Variants in RAPH1 observed in about 807,000 individuals in gnomAD.
RAPH1 encodes Ras association (RalGDS/AF-6) and pleckstrin homology domains 1.
A neutral mutation model predicts 88.1 loss-of-function variants in RAPH1; 18 were observed. The ratio of observed to expected loss-of-function variants is 0.20; its 90% CI spans 0.14 to 0.30. The LOEUF (loss-of-function observed/expected upper bound fraction) is 0.30. Among genes scored for constraint, RAPH1 ranks in the 10% least tolerant of loss-of-function variants. RAPH1 has a pLI of 1.00. For missense variants in RAPH1, 1,448 were observed against 1,543.2 expected (o/e 0.94, Z 1.03); for synonymous variants, 587 against 559.0 (o/e 1.05, Z -0.71).
intron 1 of RAPH1, among the ~76,000 whole-genome samples, chr2:203,508,164 G>C (rs1041293998): frequency 1.4e-5 from 2 of 147,272 alleles, no homozygotes; most frequent in African/African-American, 5.0e-5. Flanking sequence ...AGCTTGTATA[G>C]TGAGCTGAGA....
intron 4 of RAPH1, chr2:203,470,174 A>G (rs1581303202): frequency 9.2e-7 from 1 of 1,084,346 alleles, no homozygotes; most frequent in South Asian, 1.4e-5. Flanking sequence ...AGCATGATCA[A>G]AAACAGAAAT....
Position 203,471,678 on chromosome 2 carries a change from A to G in RAPH1, c.733-9753T>C, listed in dbSNP as rs569968476. Among the ~76,000 whole-genome samples, 5 of 152,314 alleles carry G rather than the reference A, an allele frequency of 3.3e-5. No homozygotes were observed. In the South Asian group the frequency reaches 6.2e-4, roughly 19 times the overall value. On this transcript the variant is annotated intron_variant, in intron 4 of 13. Coordinates refer to ENST00000319170, the MANE Select transcript of RAPH1 (RefSeq NM_213589.3). ...ACTACTTCAAGATTAAAAACATGTT[A>G]CAGAAGACAATATAATCTTTGCTCA...
Position 203,441,177 on chromosome 2 carries a change from T to C in RAPH1, c.2013A>G (p.Thr671=). 6.2e-7 allele frequency: 1 copy of C among 1,610,024 alleles called. No individual in the cohort carries two copies. The highest frequency in any genetic ancestry group is 8.5e-7 in the Non-Finnish European group (1 of 1,178,938). ...AATGCTGAGACGCATTCTGTAGCCG[T>C]GTTATTGTGCTGTACTTGACGAACA... ...APMFVKYSTI[T]RLQNASQHSG... Residue 671 remains threonine (T), a synonymous_variant, in exon 14 of 14, where the codon ACA becomes ACG. Coordinates refer to ENST00000319170, the MANE Select transcript of RAPH1 (RefSeq NM_213589.3).
In RAPH1 at chr2:203,433,803, A is replaced by AGT. The variant is rs2098495115; in HGVS notation, c.*5633_*5634insAC. ...TAATGGTGCCGATCCACAAACACTC[A>AGT]AAGTCCCCATGTTTAAATGAAATCT... is the stretch of plus-strand genomic sequence containing the variant. On this transcript the variant is annotated 3_prime_UTR_variant, in exon 14 of 14. Coordinates refer to ENST00000319170, the MANE Select transcript of RAPH1 (RefSeq NM_213589.3). 6.6e-6 allele frequency: 1 copy of AGT among 152,466 alleles called. No homozygotes were observed. Among genetic ancestry groups the AGT allele is most frequent in the African/African-American group, 2.4e-5 (1 of 41,420 alleles). The allele number at this position is 152,466 out of a possible 1,614,324, so 9.4% of individuals were successfully genotyped here.
At chr2:203,445,251 AT>A (rs1428214861) in intron 12 of RAPH1, 3 of 404,694 alleles carry the variant, frequency 7.4e-6, no homozygotes, top group African/African-American at 6.1e-5. Context: ...GATAATTATA[AT>A]AAATGATTCA....
intron 1 of RAPH1, among the ~76,000 whole-genome samples, chr2:203,499,394 T>G (rs942449565): frequency 2.0e-5 from 3 of 152,126 alleles, no homozygotes. Context: ...TATTTTCAAT[T>G]TGTCCCTATG....
rs531692694 is a variant in RAPH1 at position 203,472,127 on chromosome 2, C to CTT, written c.733-10204_733-10203dup. ...TAGCCATTCTTTGGTTTCTTTAGTT[C>CTT]TTTTTTTTTTTTTTTATTTTTTTGA... On this transcript the variant is annotated intron_variant, in intron 4 of 13. Coordinates refer to ENST00000319170, the MANE Select transcript of RAPH1 (RefSeq NM_213589.3). Among the ~76,000 whole-genome samples the CTT allele has an allele frequency of 5.7e-4, 80 of 140,686 alleles. 1 individual carries two copies. The highest frequency in any genetic ancestry group is 3.9e-3 in the Middle Eastern group (1 of 258). The allele number at this position is 140,686 out of a possible 152,430, so 92.3% of individuals were successfully genotyped here. A position where few individuals can be genotyped will look rare whatever the true frequency, so the allele number is the denominator to read the frequency against.
At chr2:203,513,190 T>G (rs1253948792) in intron 1 of RAPH1, among the ~76,000 whole-genome samples, 1 of 149,048 alleles carries the variant, frequency 6.7e-6, no homozygotes, top group Non-Finnish European at 1.5e-5. Context: ...AGCCCTCACT[T>G]TCTTAATCTG....
rs1444398087 is a variant in RAPH1 at position 203,444,832 on chromosome 2, C to A, written c.1776+36G>T. ...ACAATTTAAACCCAAAAGAATACCA[C>A]AGAATTTTCAATGTAAATTAAAACG... On this transcript the variant is annotated intron_variant, in intron 13 of 13. Transcript: ENST00000319170. 6 of 1,601,800 alleles carry A rather than the reference C, an allele frequency of 3.7e-6. No individual in the cohort carries two copies. The South Asian group carries it at 6.7e-5, about 18-fold the overall frequency.
At position 203,533,591 on chromosome 2, in the gene RAPH1, AG is replaced by A. The variant is rs139395033; in HGVS notation, c.-1+1519del. Among the ~76,000 whole-genome samples the A allele has an allele frequency of 2.0e-4, 31 of 152,030 alleles. No homozygotes were observed. In the East Asian group the frequency reaches 5.8e-3, roughly 28 times the overall value. ...CTGCTGAAATCCTACTCATCCTTAA[AG>A]GTTTCACTTAAATGCCGAGGCTTCC... On this transcript the variant is annotated intron_variant, in intron 1 of 13. Coordinates refer to ENST00000319170, the MANE Select transcript of RAPH1 (RefSeq NM_213589.3).
chr2:203,454,446 T>C lies in RAPH1; in HGVS notation c.1397A>G (p.Tyr466Cys), dbSNP rs370106079. Residue 466 changes from tyrosine to cysteine, a missense_variant, in exon 10 of 14, where the codon TAT becomes TGT. By Grantham distance (194) the Tyr-to-Cys change is radical. This residue lies in a region of RAPH1 where 513 missense variants were observed against 653.1 expected (regional missense o/e 0.79). Coordinates refer to ENST00000319170, the MANE Select transcript of RAPH1 (RefSeq NM_213589.3). ...TGTGTTTACCTTCAGCACCAGACAA[T>C]AGTCTGTAGGTGCTTTGTATTTGTT... ...YRNKYKAPTD[Y>C]CLVLKHPQIQ... The C allele has an allele frequency of 5.0e-6, 8 of 1,610,404 alleles. No homozygotes were observed. The highest frequency in any genetic ancestry group is 2.2e-5 in the East Asian group (1 of 44,838).
At chr2:203,501,242 G>C (rs1393369063) in intron 1 of RAPH1, among the ~76,000 whole-genome samples, 2 of 152,142 alleles carry the variant, frequency 1.3e-5, no homozygotes, top group Admixed American at 6.5e-5. Context: ...AGAAGGGAAA[G>C]GAAAGGAAAG....
intron 4 of RAPH1, 80 bp downstream of exon 4, chr2:203,489,504 A>G: frequency 9.6e-7 from 1 of 1,040,400 alleles, no homozygotes. Context: ...AGAATTTAAG[A>G]AGTTAATTAA....
rs948971991 is a variant in RAPH1, at chr2:203,445,265, TAAC to T, written c.1634-258_1634-256del. The T allele has an allele frequency of 8.0e-5, 30 of 373,812 alleles. No individual in the cohort carries two copies. In the Middle Eastern group the frequency reaches 3.6e-3, roughly 45 times the overall value. 23.2% of individuals were successfully genotyped at this position (373,812 alleles called of 1,614,324 possible). The stretch of plus-strand genomic sequence containing the variant: ...TGATAATTATAATAAATGATTCACA[TAAC>T]ATTATTGGTATCCTGACACCCAGTC... On this transcript the variant is annotated intron_variant, in intron 12 of 13. Transcript: ENST00000319170.
At chr2:203,503,180 A>G (rs568645313) in intron 1 of RAPH1, among the ~76,000 whole-genome samples, 41 of 152,282 alleles carry the variant, frequency 2.7e-4, no homozygotes, top group African/African-American at 6.5e-4. Flanking sequence ...AAATGAAAAT[A>G]TGAACCAATT....
At position 203,439,218 on chromosome 2, in the gene RAPH1, T is replaced by C; in HGVS notation, c.*219A>G. ...GAATAAATAGAATAACTCTCAGCTCTCTCTCTATATACACATACACATACA... is the reference window on the plus strand; with the variant it reads ...GAATAAATAGAATAACTCTCAGCTCCCTCTCTATATACACATACACATACA... On this transcript the variant is annotated 3_prime_UTR_variant, in exon 14 of 14. Transcript: ENST00000319170. The C allele has an allele frequency of 8.5e-6, 4 of 470,408 alleles. No individual in the cohort carries two copies. Among genetic ancestry groups the C allele is most frequent in the Non-Finnish European group, 1.5e-5 (4 of 264,506 alleles). The allele number at this position is 470,408 out of a possible 1,614,324, so 29.1% of individuals were successfully genotyped here. A position where few individuals can be genotyped will look rare whatever the true frequency, so the allele number is the denominator to read the frequency against.
chr2:203,532,278 T>C (rs1349961576), intron 1 of RAPH1, among the ~76,000 whole-genome samples: 1 of 152,174 alleles, frequency 6.6e-6, no homozygotes, highest in African/African-American at 2.4e-5. Flanking sequence ...GAATTACTGT[T>C]TAATGGGAAG....
chr2:203,528,562 G>C (rs1475013816), intron 1 of RAPH1, among the ~76,000 whole-genome samples: 1 of 152,122 alleles, frequency 6.6e-6, no homozygotes, highest in East Asian at 1.9e-4. Flanking sequence ...TACATGAGCT[G>C]CCTTGTCAGC....
At chr2:203,444,428 CAAAA>C (rs79801084) in intron 13 of RAPH1, 21 of 82,898 alleles carry the variant, frequency 2.5e-4, no homozygotes, top group Non-Finnish European at 4.0e-4. Flanking sequence ...GACACTCTGT[CAAAA>C]AAAAAAAAAA....
Sources: allele counts gnomAD v4.1 joint callset (sites outside exome capture counted in the v4.1 genomes callset), GRCh38; gene constraint gnomAD v4.1.1; regional missense constraint gnomAD v4.1.1; transcripts MANE v1.5; gene names NCBI Gene and HGNC (gene_info 2026-07-23, HGNC 2026-07-21).